SYT1: variants seen among roughly 807,000 people sequenced by gnomAD.
SYT1 encodes synaptotagmin-1.
Under a neutral mutation model 44.8 loss-of-function variants are expected in SYT1, and 8 were observed. The ratio of observed to expected loss-of-function variants is 0.18; its 90% CI spans 0.10 to 0.32. The LOEUF is 0.32. Among genes scored for constraint, SYT1 ranks in the 10% least tolerant of loss-of-function variants. SYT1 has a pLI of 1.00. For missense variants in SYT1, 286 were observed against 509.3 expected, an observed-to-expected ratio of 0.56 and a Z score of 4.22; for synonymous variants, 154 against 188.8, an observed-to-expected ratio of 0.82 and a Z score of 1.51.
chr12:79,023,131 G>A lies in SYT1; in HGVS notation c.-83-24166G>A, dbSNP rs547978604. On this transcript the variant is annotated intron_variant, in intron 2 of 10. Transcript: ENST00000261205. ...AAGGAAAAGATGGGTGATAAAACTTGCACGTTCCAATGTGAGGGGCTAGAG... is the reference window on the plus strand; with the variant it reads ...AAGGAAAAGATGGGTGATAAAACTTACACGTTCCAATGTGAGGGGCTAGAG... Among the ~76,000 whole-genome samples the A allele has an allele frequency of 1.8e-3, 274 of 151,910 alleles. 2 individuals carry two copies. Among genetic ancestry groups the A allele is most frequent in the African/African-American group, 6.4e-3 (266 of 41,496 alleles).
Position 79,296,085 on chromosome 12 carries a change from T to A in SYT1, c.491T>A (p.Ile164Asn), listed in dbSNP as rs1879860537. Residue 164 changes from isoleucine (I) to asparagine (N), a missense_variant, in exon 7 of 11, where the codon ATT becomes AAT. Coordinates refer to ENST00000261205, the MANE Select transcript of SYT1 (RefSeq NM_005639.3). ...FQNNQLLVGI[I>N]QAAELPALDM... Reference sequence around the variant, plus strand: ...TTATTTCAGCTGCTGGTAGGGATCATTCAGGCTGCCGAACTGCCCGCCTTG... The same window carrying A: ...TTATTTCAGCTGCTGGTAGGGATCAATCAGGCTGCCGAACTGCCCGCCTTG... 1 of 1,612,044 alleles carries A rather than the reference T, an allele frequency of 6.2e-7. No individual in the cohort carries two copies. The highest frequency in any genetic ancestry group is 8.5e-7 in the Non-Finnish European group (1 of 1,179,356).
chr12:78,980,333 C>T (rs1371789582), intron 2 of SYT1, among the ~76,000 whole-genome samples: 1 of 152,056 alleles, frequency 6.6e-6, no homozygotes, highest in African/African-American at 2.4e-5. Context: ...CCTACATAGC[C>T]GACTCCATGG....
chr12:79,135,009 A>AC (rs1414935202), intron 3 of SYT1, among the ~76,000 whole-genome samples: 1 of 152,186 alleles, frequency 6.6e-6, no homozygotes. Context: ...ACACACACAC[A>AC]AATGGTAACA....
chr12:79,183,231 C>G (rs1032085629), intron 3 of SYT1, among the ~76,000 whole-genome samples: 12 of 152,024 alleles, frequency 7.9e-5, no homozygotes, highest in African/African-American at 2.9e-4. Context: ...GCACCACTCA[C>G]TTCGGGAAGA....
chr12:79,026,248 T>C (rs537971936), intron 2 of SYT1, among the ~76,000 whole-genome samples: 1 of 151,742 alleles, frequency 6.6e-6, no homozygotes, highest in South Asian at 2.1e-4. Flanking sequence ...GGCATAGAAA[T>C]TATATCTGTT....
Position 79,444,067 on chromosome 12 carries a change from A to T in SYT1, c.929-6A>T. ...TCCTAAAGTTTGTTTCCTGTTTTTCATTCAGATCCTTATGTGAAGATTCAT... is the reference window on the plus strand; with the variant it reads ...TCCTAAAGTTTGTTTCCTGTTTTTCTTTCAGATCCTTATGTGAAGATTCAT... On this transcript the variant is annotated splice_region_variant and splice_polypyrimidine_tract_variant and intron_variant, in intron 9 of 10. Transcript: ENST00000261205. The T allele has an allele frequency of 1.2e-6, 2 of 1,612,544 alleles. No homozygotes were observed. The highest frequency in any genetic ancestry group is 1.7e-6 in the Non-Finnish European group (2 of 1,179,304).
chr12:79,332,141 C>G (rs941715797), intron 8 of SYT1, among the ~76,000 whole-genome samples: 3 of 152,168 alleles, frequency 2.0e-5, no homozygotes, highest in African/African-American at 4.8e-5. Flanking sequence ...CAGGGTCACT[C>G]CAGCTGTCAG....
chr12:79,005,814 T>C (rs1871040425), intron 2 of SYT1, among the ~76,000 whole-genome samples: 1 of 152,134 alleles, frequency 6.6e-6, no homozygotes, highest in Non-Finnish European at 1.5e-5. Context: ...AGTTGAGAAC[T>C]GGTCCCATTG....
At chr12:78,945,301 T>C (rs537259325) in intron 1 of SYT1, among the ~76,000 whole-genome samples, 2 of 152,168 alleles carry the variant, frequency 1.3e-5, no homozygotes, top group South Asian at 2.1e-4. Context: ...GAATGATTAA[T>C]TGGATTTTTA....
chr12:79,023,923 A>G (rs1400781277), intron 2 of SYT1, among the ~76,000 whole-genome samples: 1 of 150,744 alleles, frequency 6.6e-6, no homozygotes, highest in East Asian at 2.0e-4. Flanking sequence ...GAATAAGCAC[A>G]TTTTCTTATA....
At chr12:78,973,174 T>A (rs1034589985) in intron 1 of SYT1, among the ~76,000 whole-genome samples, 2 of 152,196 alleles carry the variant, frequency 1.3e-5, no homozygotes, top group African/African-American at 2.4e-5. Flanking sequence ...CACAACATGA[T>A]GTTTTGAAGT....
chr12:79,193,486 A>G (rs1873252794), intron 3 of SYT1, among the ~76,000 whole-genome samples: 1 of 152,188 alleles, frequency 6.6e-6, no homozygotes, highest in South Asian at 2.1e-4. Flanking sequence ...TAGAGTTAAA[A>G]TTCAGGTGTG....
chr12:79,154,958 G>A (rs1371615640), intron 3 of SYT1, among the ~76,000 whole-genome samples: 1 of 152,068 alleles, frequency 6.6e-6, no homozygotes, highest in African/African-American at 2.4e-5. Flanking sequence ...ACTCCCACAT[G>A]AAACAGCCAT....
chr12:79,010,793 C>A (rs1871361794), intron 2 of SYT1, among the ~76,000 whole-genome samples: 1 of 152,108 alleles, frequency 6.6e-6, no homozygotes, highest in African/African-American at 2.4e-5. Flanking sequence ...ACCTTTCTAT[C>A]TGTATTTTCA....
intron 3 of SYT1, among the ~76,000 whole-genome samples, chr12:79,156,498 C>T (rs61927306): frequency 0.071 from 10,771 of 151,892 alleles, 407 homozygotes; most frequent in African/African-American, 0.092. Context: ...TATGGAGTCT[C>T]GCTCTGTCTC....
intron 3 of SYT1, among the ~76,000 whole-genome samples, chr12:79,160,744 T>C (rs941947436): frequency 2.0e-5 from 3 of 152,098 alleles, no homozygotes; most frequent in Non-Finnish European, 4.4e-5. Context: ...AATCTAGAGA[T>C]GTAAATTTGC....
intron 1 of SYT1, among the ~76,000 whole-genome samples, chr12:78,876,586 C>A (rs575444965): frequency 7.4e-6 from 1 of 134,272 alleles, no homozygotes; most frequent in Non-Finnish European, 1.6e-5. Flanking sequence ...TACACACACA[C>A]GTATACATAT....
chr12:78,986,991 C>A (rs565708515), intron 2 of SYT1, among the ~76,000 whole-genome samples: 1 of 151,992 alleles, frequency 6.6e-6, no homozygotes, highest in African/African-American at 2.4e-5. Flanking sequence ...AATAATAAAA[C>A]TTTCCTTTAA....
At chr12:79,323,757 A>G (rs1232100182) in intron 8 of SYT1, among the ~76,000 whole-genome samples, 2 of 151,838 alleles carry the variant, frequency 1.3e-5, no homozygotes, top group African/African-American at 2.4e-5. Flanking sequence ...CATTAGGCAT[A>G]CTTATATGGA....
Sources: gnomAD v4.1 joint callset for allele counts (sites outside exome capture counted in the v4.1 genomes callset) on GRCh38, gnomAD v4.1.1 for gene constraint, MANE v1.5 for transcripts, NCBI Gene and HGNC (gene_info 2026-07-23, HGNC 2026-07-21) for gene names.